Variants in EPB41L2 observed in about 807,000 individuals in gnomAD.
EPB41L2 encodes the protein erythrocyte membrane protein band 4.1 like 2.
Under a neutral mutation model 113.0 loss-of-function variants are expected in EPB41L2, and 43 were observed. The ratio of observed to expected loss-of-function variants is 0.38; its 90% CI spans 0.30 to 0.49. The LOEUF (loss-of-function observed/expected upper bound fraction) is 0.49. Ranked by LOEUF, EPB41L2 falls within the 20% of genes least tolerant of loss-of-function variation. EPB41L2 has a pLI of 0.95. For synonymous variants in EPB41L2, 442 were observed against 436.7 expected (o/e 1.01, Z -0.15); for missense variants, 1,147 against 1,223.4 (o/e 0.94, Z 0.93).
intron 1 of EPB41L2, among the ~76,000 whole-genome samples, chr6:131,009,789 G>A (rs1230028553): frequency 2.6e-5 from 4 of 152,022 alleles, no homozygotes; most frequent in Admixed American, 6.6e-5. Context: ...TTCAGAGAGT[G>A]CTTTTGTTTT....
chr6:131,028,889 T>C (rs1385921295), intron 1 of EPB41L2, among the ~76,000 whole-genome samples: 1 of 152,222 alleles, frequency 6.6e-6, no homozygotes, highest in East Asian at 1.9e-4. Context: ...CATGTCTTCA[T>C]TCCTTTTATC....
At chr6:131,007,539 G>A (rs1277292356) in intron 1 of EPB41L2, among the ~76,000 whole-genome samples, 1 of 152,162 alleles carries the variant, frequency 6.6e-6, no homozygotes, top group African/African-American at 2.4e-5. Flanking sequence ...GCAGAGGTTG[G>A]AACAGTTAGG....
intron 1 of EPB41L2, among the ~76,000 whole-genome samples, chr6:131,010,169 T>C (rs1327870239): frequency 6.6e-6 from 1 of 152,236 alleles, no homozygotes. Flanking sequence ...AAGTCACTAA[T>C]GGTAACACTA....
chr6:130,890,998 T>C (rs1179871759), intron 10 of EPB41L2, among the ~76,000 whole-genome samples: 1 of 152,188 alleles, frequency 6.6e-6, no homozygotes, highest in East Asian at 1.9e-4. Context: ...AATCCCTGGG[T>C]TCATAAAGAA....
At chr6:131,060,408 G>T (rs1412508195) in intron 1 of EPB41L2, among the ~76,000 whole-genome samples, 1 of 152,210 alleles carries the variant, frequency 6.6e-6, no homozygotes, top group Admixed American at 6.5e-5. Flanking sequence ...TTTGGTTGTG[G>T]ACTGCTTTGT....
At chr6:130,997,235 C>G (rs1441946303) in intron 1 of EPB41L2, among the ~76,000 whole-genome samples, 2 of 152,138 alleles carry the variant, frequency 1.3e-5, no homozygotes, top group Non-Finnish European at 2.9e-5. Flanking sequence ...ATTTTTCCCT[C>G]AGTTCTTCAT....
At chr6:130,920,544 A>G (rs1038251166) in intron 4 of EPB41L2, among the ~76,000 whole-genome samples, 12 of 152,100 alleles carry the variant, frequency 7.9e-5, no homozygotes, top group Admixed American at 7.9e-4. Context: ...CACCTAGGCG[A>G]AAGTGCAGTG....
intron 1 of EPB41L2, among the ~76,000 whole-genome samples, chr6:130,996,578 C>A (rs1463459213): frequency 6.6e-6 from 1 of 152,206 alleles, no homozygotes; most frequent in Non-Finnish European, 1.5e-5. Context: ...TGTGAACTTT[C>A]AAATGAGTCC....
intron 7 of EPB41L2, among the ~76,000 whole-genome samples, chr6:130,900,090 T>C (rs1422366132): frequency 6.6e-6 from 1 of 152,210 alleles, no homozygotes; most frequent in Non-Finnish European, 1.5e-5. Flanking sequence ...TTTAAGCTCC[T>C]AAAGAGCAAG....
At chr6:130,895,207 A>G (rs1794271561) in intron 8 of EPB41L2, 88 bp from the exon 9 acceptor site, 1 of 1,415,002 alleles carries the variant, frequency 7.1e-7, no homozygotes, top group Non-Finnish European at 9.5e-7. Context: ...AATCATGATC[A>G]GGAATGACAG....
intron 14 of EPB41L2, among the ~76,000 whole-genome samples, chr6:130,876,336 C>T (rs559102792): frequency 1.3e-5 from 2 of 152,276 alleles, no homozygotes; most frequent in East Asian, 1.9e-4. Flanking sequence ...TTTAACAACA[C>T]GACATGCATA....
At chr6:130,897,915 T>C (rs1200669595) in intron 8 of EPB41L2, among the ~76,000 whole-genome samples, 2 of 152,060 alleles carry the variant, frequency 1.3e-5, no homozygotes, top group East Asian at 3.9e-4. Flanking sequence ...AAAAATGAGA[T>C]GGTATGAAAG....
chr6:130,948,574 C>T (rs1330408361), intron 3 of EPB41L2, among the ~76,000 whole-genome samples: 1 of 152,030 alleles, frequency 6.6e-6, no homozygotes, highest in Non-Finnish European at 1.5e-5. Flanking sequence ...AAAATAGAGT[C>T]ACTAATCTCA....
chr6:130,889,144 A>G (rs1415695254), intron 11 of EPB41L2, among the ~76,000 whole-genome samples: 1 of 151,952 alleles, frequency 6.6e-6, no homozygotes, highest in African/African-American at 2.4e-5. Context: ...TAGTAGTAAA[A>G]TACAATTTTC....
At chr6:130,878,031 CAT>C in intron 14 of EPB41L2, 71 bp downstream of exon 14, 1 of 1,439,868 alleles carries the variant, frequency 6.9e-7, no homozygotes, top group Admixed American at 2.6e-5. Context: ...CTAGACTCAA[CAT>C]AGAGATTAAC....
chr6:130,880,734 G>A (rs1328151660), intron 12 of EPB41L2: 7 of 398,542 alleles, frequency 1.8e-5, no homozygotes, highest in Non-Finnish European at 2.2e-5. Flanking sequence ...CTCTTTCTCA[G>A]TCCCTAGATT....
intron 3 of EPB41L2, among the ~76,000 whole-genome samples, chr6:130,940,920 T>C (rs1438114337): frequency 6.6e-6 from 1 of 152,206 alleles, no homozygotes; most frequent in Admixed American, 6.5e-5. Context: ...TATGTTTATG[T>C]ATGTGGATAT....
intron 1 of EPB41L2, among the ~76,000 whole-genome samples, chr6:131,053,434 T>TAAAAAAAAAAAAAA (rs71030727): frequency 1.1e-5 from 1 of 88,902 alleles, no homozygotes; most frequent in Non-Finnish European, 2.2e-5. Flanking sequence ...ATGGAAATGA[T>TAAAAAAAAAAAAAA]AAAAAAAAAA....
At chr6:131,012,496 C>G (rs1320659877) in intron 1 of EPB41L2, among the ~76,000 whole-genome samples, 1 of 146,728 alleles carries the variant, frequency 6.8e-6, no homozygotes, top group Non-Finnish European at 1.5e-5. Flanking sequence ...AACCACCATA[C>G]TAGATGATGA....
Sources: gnomAD v4.1 joint callset for allele counts (sites outside exome capture counted in the v4.1 genomes callset) on GRCh38, gnomAD v4.1.1 for gene constraint, MANE v1.5 for transcripts, NCBI Gene and HGNC (gene_info 2026-07-23, HGNC 2026-07-21) for gene names.